ERLEC1: variants seen among roughly 807,000 people sequenced by gnomAD.
ERLEC1 encodes ER lectin.
In ERLEC1, 47 loss-of-function variants were observed where a neutral mutation model predicts 68.0. The ratio of observed to expected loss-of-function variants is 0.69; its 90% CI spans 0.55 to 0.88. The LOEUF is 0.88. Among genes scored for constraint, ERLEC1 ranks in the 40% least tolerant of loss-of-function variants. ERLEC1 has a pLI of 0.00. For synonymous variants in ERLEC1, 225 were observed against 203.2 expected (o/e 1.11, Z -0.91); for missense variants, 567 against 583.8 (o/e 0.97, Z 0.30).
rs1676784290 is a variant in ERLEC1, at chr2:53,814,932, T to C, written c.1377T>C (p.Leu459=). The C allele has an allele frequency of 1.3e-6, 2 of 1,566,204 alleles. No individual in the cohort carries two copies. The highest frequency in any genetic ancestry group is 3.5e-5 in the Admixed American group (2 of 57,034). ...AGCCTCACTCCTGTCAATATATTCTTGGGGTAAGTTAAAAAGAAAATAATC... is the reference window on the plus strand; with the variant it reads ...AGCCTCACTCCTGTCAATATATTCTCGGGGTAAGTTAAAAAGAAAATAATC... ...MLEPHSCQYI[L]GVESPVICKI... is the part of the protein sequence containing the mutation. Residue 459 remains leucine (L), a synonymous_variant, in exon 13 of 14, where the codon CTT becomes CTC. Coordinates refer to ENST00000185150, the MANE Select transcript of ERLEC1 (RefSeq NM_015701.5).
In ERLEC1 at chr2:53,814,563, G is replaced by T; in HGVS notation, c.1247G>T (p.Gly416Val). 6.2e-7 allele frequency: 1 copy of T among 1,611,278 alleles called. No homozygotes were observed. The highest frequency in any genetic ancestry group is 8.5e-7 in the Non-Finnish European group (1 of 1,178,414). ...QTVRMVSHFYGNGDICDITDK... is the reference protein window; with the variant it reads ...QTVRMVSHFYVNGDICDITDK... The stretch of plus-strand genomic sequence containing the variant: ...TTCAGGATGGTGTCACATTTTTATG[G>T]AAATGGAGATATTTGTGATATAACT... Residue 416 changes from glycine (G) to valine (V), a missense_variant, in exon 12 of 14, where the codon GGA becomes GTA. Transcript: ENST00000185150.
chr2:53,814,469 C>T (rs1676755700), intron 11 of ERLEC1, 74 bp from the exon 12 acceptor site: 1 of 1,032,692 alleles, frequency 9.7e-7, no homozygotes, highest in South Asian at 1.5e-5. Flanking sequence ...TAACCATCTT[C>T]TCACCCTACC....
At position 53,801,507 on chromosome 2, in the gene ERLEC1, G is replaced by A. The variant is rs759382731; in HGVS notation, c.636G>A (p.Met212Ile). 1.2e-6 allele frequency: 2 copies of A among 1,614,060 alleles called. No homozygotes were observed. Among genetic ancestry groups the A allele is most frequent in the South Asian group, 1.1e-5 (1 of 91,084 alleles). Reference protein sequence around the residue: ...KQNRPRSSTVMYICHPESKHE... With the variant: ...KQNRPRSSTVIYICHPESKHE... Reference sequence around the variant, plus strand: ...ACCGGCCCAGATCAAGTACTGTGATGTACATATGTCATCCTGAATCTAAGC... The same window carrying A: ...ACCGGCCCAGATCAAGTACTGTGATATACATATGTCATCCTGAATCTAAGC... Residue 212 changes from methionine to isoleucine, a missense_variant, in exon 7 of 14, where the codon ATG becomes ATA. By Grantham distance (10) the Met-to-Ile change is conservative. Transcript: ENST00000185150.
At chr2:53,806,618 T>C (rs1676308333) in intron 8 of ERLEC1, among the ~76,000 whole-genome samples, 1 of 152,184 alleles carries the variant, frequency 6.6e-6, no homozygotes, top group Non-Finnish European at 1.5e-5. Flanking sequence ...TTGTTCTTCC[T>C]AATATTGGGA....
chr2:53,798,224 C>T (rs553878197), intron 5 of ERLEC1, among the ~76,000 whole-genome samples: 141 of 152,112 alleles, frequency 9.3e-4, no homozygotes, highest in Non-Finnish European at 1.9e-3. Context: ...AAATGGGCTT[C>T]TGAACTGTCC....
chr2:53,806,387 A>C (rs1676296502), intron 8 of ERLEC1, among the ~76,000 whole-genome samples: 1 of 152,122 alleles, frequency 6.6e-6, no homozygotes, highest in African/African-American at 2.4e-5. Flanking sequence ...ATGCAGCATT[A>C]TTGTTTTTCT....
At chr2:53,788,066 A>G (rs1250822378) in intron 1 of ERLEC1, among the ~76,000 whole-genome samples, 1 of 152,148 alleles carries the variant, frequency 6.6e-6, no homozygotes, top group East Asian at 1.9e-4. Flanking sequence ...CTCTTGGGGG[A>G]GTGGACCGCT....
chr2:53,801,337 C>T, intron 6 of ERLEC1, 60 bp from the exon 7 acceptor site: 1 of 1,254,892 alleles, frequency 8.0e-7, no homozygotes. Context: ...GTTCCTCTCC[C>T]ACCCCCAGTC....
chr2:53,787,871 T>C (rs910262935), intron 1 of ERLEC1, among the ~76,000 whole-genome samples: 4 of 152,202 alleles, frequency 2.6e-5, no homozygotes, highest in African/African-American at 9.6e-5. Flanking sequence ...CAAGGGAACT[T>C]TTTCCTTTCC....
chr2:53,801,648 A>G (rs772737069), intron 7 of ERLEC1, 28 bp downstream of exon 7: 39 of 1,612,730 alleles, frequency 2.4e-5, no homozygotes, highest in Non-Finnish European at 3.0e-5. Context: ...TATTTTAAAC[A>G]TAAAATGCAC....
chr2:53,801,438 T>C lies in ERLEC1; in HGVS notation c.567T>C (p.Tyr189=). 1 of 1,613,974 alleles carries C rather than the reference T, an allele frequency of 6.2e-7. No homozygotes were observed. The highest frequency in any genetic ancestry group is 8.5e-7 in the Non-Finnish European group (1 of 1,179,920). ...KNIEGQMTPY[Y]PVGMGNGTPC... ...TCGAAGGTCAGATGACACCATACTA[T>C]CCTGTGGGAATGGGAAATGGTACAC... is the stretch of plus-strand genomic sequence containing the variant. The change falls in exon 7 of 14, where the codon TAT becomes TAC. Residue 189 remains tyrosine, a synonymous_variant. Coordinates refer to ENST00000185150, the MANE Select transcript of ERLEC1 (RefSeq NM_015701.5).
chr2:53,812,810 T>C, intron 10 of ERLEC1, 139 bp from the exon 11 acceptor site: 1 of 802,070 alleles, frequency 1.2e-6, no homozygotes, highest in South Asian at 2.2e-5. Context: ...CTCATTGAAT[T>C]TGACTGACAT....
At chr2:53,799,110 C>T (rs1472655431) in intron 6 of ERLEC1, 29 bp downstream of exon 6, 1 of 1,597,416 alleles carries the variant, frequency 6.3e-7, no homozygotes, top group South Asian at 1.1e-5. Flanking sequence ...TTTTTTTCCT[C>T]TTAACACTTA....
At chr2:53,814,733 A>C in intron 12 of ERLEC1, 113 bp downstream of exon 12, 1 of 1,003,096 alleles carries the variant, frequency 1.0e-6, no homozygotes, top group Non-Finnish European at 1.5e-6. Context: ...TATACCATTT[A>C]AATTATTGAT....
chr2:53,790,646 T>G (rs190832737), intron 1 of ERLEC1, among the ~76,000 whole-genome samples: 2 of 152,192 alleles, frequency 1.3e-5, no homozygotes, highest in Non-Finnish European at 2.9e-5. Flanking sequence ...GGGGGTTGTT[T>G]GTGTGTTTTG....
At chr2:53,791,716 A>G (rs924302430) in intron 1 of ERLEC1, among the ~76,000 whole-genome samples, 4 of 152,136 alleles carry the variant, frequency 2.6e-5, no homozygotes, top group African/African-American at 9.7e-5. Context: ...TGTGGTTCCA[A>G]ACAAGCAGTT....
intron 6 of ERLEC1, among the ~76,000 whole-genome samples, chr2:53,800,068 T>C (rs904539265): frequency 1.3e-5 from 2 of 152,162 alleles, no homozygotes; most frequent in African/African-American, 2.4e-5. Context: ...AAAAACCTTT[T>C]AATACACAGT....
intron 2 of ERLEC1, 35 bp from the exon 3 acceptor site, chr2:53,795,898 A>T: frequency 7.1e-7 from 1 of 1,414,554 alleles, no homozygotes; most frequent in Non-Finnish European, 9.8e-7. Context: ...AAATTCTAGA[A>T]AAACTGTAAG....
At chr2:53,800,175 A>C (rs371882520) in intron 6 of ERLEC1, among the ~76,000 whole-genome samples, 1 of 152,126 alleles carries the variant, frequency 6.6e-6, no homozygotes, top group Non-Finnish European at 1.5e-5. Flanking sequence ...ACACAAACCT[A>C]CGTGGTATGT....
Sources: allele counts gnomAD v4.1 joint callset (sites outside exome capture counted in the v4.1 genomes callset), GRCh38; gene constraint gnomAD v4.1.1; transcripts MANE v1.5; gene names NCBI Gene and HGNC (gene_info 2026-07-23, HGNC 2026-07-21).